CACNB2: variants seen among roughly 807,000 people sequenced by gnomAD.
CACNB2 encodes calcium voltage-gated channel auxiliary subunit beta 2, also known as voltage-dependent L-type calcium channel subunit beta-2.
CACNB2 carries 42 observed loss-of-function variants against 73.3 expected under a neutral mutation model. The observed-to-expected ratio is 0.57, with a 90% CI of 0.45 to 0.74. The LOEUF is 0.74. Ranked by LOEUF, CACNB2 falls within the 30% of genes least tolerant of loss-of-function variation. The pLI is 0.00. For missense variants in CACNB2, 940 were observed against 853.0 expected (o/e 1.10, Z -1.27); for synonymous variants, 348 against 310.3 (o/e 1.12, Z -1.28).
chr10:18,248,761 G>C (rs1314923730), intron 2 of CACNB2, among the ~76,000 whole-genome samples: 1 of 152,068 alleles, frequency 6.6e-6, no homozygotes, highest in African/African-American at 2.4e-5. Context: ...CCTCTCCTCA[G>C]ATCCTCATTT....
At chr10:18,152,180 C>T (rs550773578) in intron 2 of CACNB2, among the ~76,000 whole-genome samples, 3 of 152,126 alleles carry the variant, frequency 2.0e-5, no homozygotes, top group Non-Finnish European at 2.9e-5. Context: ...TGCTTCTTTG[C>T]ACTGTCCTTA....
chr10:18,527,338 T>G (rs1457809255), intron 9 of CACNB2, among the ~76,000 whole-genome samples: 1 of 151,350 alleles, frequency 6.6e-6, no homozygotes, highest in African/African-American at 2.4e-5. Flanking sequence ...AACGCACCAC[T>G]GCATTGCAGC....
intron 2 of CACNB2, among the ~76,000 whole-genome samples, chr10:18,258,821 T>C (rs1292399476): frequency 6.6e-6 from 1 of 152,144 alleles, no homozygotes; most frequent in Non-Finnish European, 1.5e-5. Flanking sequence ...CACTGAAGTT[T>C]CTTTAAAAAA....
intron 3 of CACNB2, among the ~76,000 whole-genome samples, chr10:18,423,290 T>A (rs1185006070): frequency 6.6e-6 from 1 of 152,234 alleles, no homozygotes; most frequent in African/African-American, 2.4e-5. Context: ...TAGTGAAAAG[T>A]AATGATTAAA....
At chr10:18,480,518 T>C (rs2048669461) in intron 3 of CACNB2, among the ~76,000 whole-genome samples, 1 of 152,226 alleles carries the variant, frequency 6.6e-6, no homozygotes. Context: ...GAGCAAAATC[T>C]CTGTCTTGTT....
intron 2 of CACNB2, among the ~76,000 whole-genome samples, chr10:18,373,839 G>A (rs1325993): frequency 0.55 from 83,285 of 152,068 alleles, 23,427 homozygotes; most frequent in East Asian, 0.91. Context: ...ATTGGTGCTT[G>A]TACCGGTTCT....
intron 2 of CACNB2, among the ~76,000 whole-genome samples, chr10:18,274,472 G>T (rs2038191885): frequency 1.3e-5 from 2 of 152,142 alleles, no homozygotes; most frequent in African/African-American, 4.8e-5. Context: ...TTCTCACCTT[G>T]TATGTAAGCA....
chr10:18,183,812 G>T (rs1432955038), intron 2 of CACNB2, among the ~76,000 whole-genome samples: 3 of 152,140 alleles, frequency 2.0e-5, no homozygotes, highest in Admixed American at 6.5e-5. Context: ...CTAGGAGGCC[G>T]AGTGGTACAA....
intron 12 of CACNB2, among the ~76,000 whole-genome samples, chr10:18,536,946 G>A (rs566385258): frequency 7.2e-5 from 11 of 152,190 alleles, no homozygotes; most frequent in Admixed American, 2.6e-4. Flanking sequence ...CTCACTTGTC[G>A]TCTATGCTTT....
At chr10:18,506,336 ATT>A (rs1164548715) in intron 5 of CACNB2, 133 bp from the exon 6 acceptor site, 1 of 681,966 alleles carries the variant, frequency 1.5e-6, no homozygotes, top group Non-Finnish European at 2.7e-6. Context: ...ACTGGGAAAT[ATT>A]GTTTTCCTCC....
chr10:18,326,566 T>C (rs2040597733), intron 2 of CACNB2, among the ~76,000 whole-genome samples: 1 of 152,190 alleles, frequency 6.6e-6, no homozygotes, highest in South Asian at 2.1e-4. Flanking sequence ...ATACTGCAAA[T>C]AAATTGGATC....
intron 2 of CACNB2, among the ~76,000 whole-genome samples, chr10:18,302,752 T>G (rs2039576148): frequency 6.6e-6 from 1 of 152,156 alleles, no homozygotes; most frequent in Non-Finnish European, 1.5e-5. Context: ...TTGGGTTCAG[T>G]GTATACTGCT....
At chr10:18,218,655 G>A (rs945840628) in intron 2 of CACNB2, among the ~76,000 whole-genome samples, 3 of 151,542 alleles carry the variant, frequency 2.0e-5, no homozygotes, top group Admixed American at 1.3e-4. Context: ...GGATCATGAG[G>A]TCAGGAGATT....
rs185424059 is a variant in CACNB2 at position 18,358,244 on chromosome 10, G to A, written c.214-43680G>A. 6.6e-5 allele frequency among the ~76,000 whole-genome samples: 10 copies of A among 152,148 alleles called. No homozygotes were observed. In the East Asian group the frequency reaches 1.2e-3, roughly 18 times the overall value. ...TGGTACCACAGACACGCGCTACCAC[G>A]CCTGGCTATTTTTTTGTGTTTTTAG... On this transcript the variant is annotated intron_variant, in intron 2 of 13. Transcript: ENST00000324631.
intron 2 of CACNB2, among the ~76,000 whole-genome samples, chr10:18,295,285 C>T (rs888761382): frequency 6.6e-6 from 1 of 151,982 alleles, no homozygotes; most frequent in Admixed American, 6.6e-5. Flanking sequence ...TATAAAAATC[C>T]TTCCTGTTTT....
In CACNB2 at chr10:18,498,337, T is replaced by C. The variant is rs751519416; in HGVS notation, c.334-18T>C. On this transcript the variant is annotated intron_variant, in intron 3 of 13. Transcript: ENST00000324631. ...TGTTTTGCTCTTATTTTTTTCCCTC[T>C]TCCTTTTCCCACTTTAGACAAAGCC... The C allele has an allele frequency of 1.5e-5, 24 of 1,614,050 alleles. 1 individual carries two copies. In the Middle Eastern group the frequency reaches 1.2e-3, roughly 78 times the overall value.
At chr10:18,471,554 CT>C (rs1326510863) in intron 3 of CACNB2, among the ~76,000 whole-genome samples, 1 of 152,106 alleles carries the variant, frequency 6.6e-6, no homozygotes, top group Non-Finnish European at 1.5e-5. Context: ...TGGTTTACGC[CT>C]TTGTATTTTT....
At chr10:18,287,730 G>C (rs2038866859) in intron 2 of CACNB2, among the ~76,000 whole-genome samples, 1 of 152,118 alleles carries the variant, frequency 6.6e-6, no homozygotes, top group South Asian at 2.1e-4. Context: ...ACGCCCTGTA[G>C]TCTCAGCTAC....
At chr10:18,430,455 T>A (rs2132821153) in intron 3 of CACNB2, among the ~76,000 whole-genome samples, 1 of 152,016 alleles carries the variant, frequency 6.6e-6, no homozygotes, top group East Asian at 1.9e-4. Context: ...GGAGACCCTG[T>A]CTCTTAAAAA....
Sources: allele counts gnomAD v4.1 joint callset (sites outside exome capture counted in the v4.1 genomes callset), GRCh38; gene constraint gnomAD v4.1.1; transcripts MANE v1.5; gene names NCBI Gene and HGNC (gene_info 2026-07-23, HGNC 2026-07-21).